Variants in DLGAP2 observed in about 807,000 individuals in gnomAD.
DLGAP2 encodes the protein DLG associated protein 2.
DLGAP2 carries 26 observed loss-of-function variants against 100.3 expected under a neutral mutation model. The ratio of observed to expected loss-of-function variants is 0.26; its 90% CI spans 0.19 to 0.36. The LOEUF is 0.36. Ranked by LOEUF, DLGAP2 falls within the 10% of genes least tolerant of loss-of-function variation. DLGAP2 has a pLI of 1.00. For synonymous variants in DLGAP2, 886 were observed against 630.1 expected, an observed-to-expected ratio of 1.41 and a Z score of -6.08; for missense variants, 1,858 against 1,453.2, an observed-to-expected ratio of 1.28 and a Z score of -4.53.
chr8:1,366,905 C>G (rs759083855), intron 3 of DLGAP2, among the ~76,000 whole-genome samples: 1 of 152,270 alleles, frequency 6.6e-6, no homozygotes, highest in East Asian at 1.9e-4. Context: ...AACACACATG[C>G]ATGTGACCAC....
chr8:1,359,542 C>T (rs1295676885), intron 3 of DLGAP2, among the ~76,000 whole-genome samples: 2 of 152,250 alleles, frequency 1.3e-5, no homozygotes, highest in Admixed American at 6.5e-5. Flanking sequence ...CACCCGAAGG[C>T]CTGGAGGGAT....
chr8:1,589,639 G>A (rs1020295126), intron 6 of DLGAP2, among the ~76,000 whole-genome samples: 4 of 152,130 alleles, frequency 2.6e-5, no homozygotes, highest in African/African-American at 9.7e-5. Context: ...GTAGAGATGG[G>A]GTTTCATCAC....
intron 2 of DLGAP2, among the ~76,000 whole-genome samples, chr8:1,156,569 G>A (rs908285107): frequency 2.0e-5 from 3 of 147,978 alleles, no homozygotes; most frequent in South Asian, 2.1e-4. Context: ...CTAGCTCAGC[G>A]CCCCTGCTCA....
intron 3 of DLGAP2, chr8:1,302,757 C>G (rs75495488): frequency 6.6e-6 from 1 of 152,292 alleles, no homozygotes; most frequent in Non-Finnish European, 1.5e-5. Context: ...GGGCTCTTGC[C>G]CCGCCTGGGG....
intron 3 of DLGAP2, among the ~76,000 whole-genome samples, chr8:1,474,910 T>C (rs1381095511): frequency 1.3e-5 from 2 of 152,180 alleles, no homozygotes; most frequent in Non-Finnish European, 2.9e-5. Flanking sequence ...TAAATCATTC[T>C]TCCAAAGGGC....
intron 2 of DLGAP2, among the ~76,000 whole-genome samples, chr8:938,196 T>C (rs576316063): frequency 6.6e-6 from 1 of 152,148 alleles, no homozygotes; most frequent in East Asian, 2.0e-4. Flanking sequence ...TGTTTTCCCT[T>C]TAAATTGAGA....
chr8:1,206,422 C>A (rs111454990), intron 2 of DLGAP2, among the ~76,000 whole-genome samples: 2 of 46,380 alleles, frequency 4.3e-5, no homozygotes, highest in African/African-American at 2.2e-4. Flanking sequence ...AGACTGTGAG[C>A]GGTTAATCTC....
intron 1 of DLGAP2, among the ~76,000 whole-genome samples, chr8:884,230 T>A (rs1378609028): frequency 1.3e-5 from 2 of 152,354 alleles, no homozygotes; most frequent in African/African-American, 4.8e-5. Context: ...TCTTCCACAA[T>A]GTTTGAACTA....
chr8:1,309,508 TC>T (rs1443175068), intron 3 of DLGAP2, among the ~76,000 whole-genome samples: 1 of 152,208 alleles, frequency 6.6e-6, no homozygotes, highest in Non-Finnish European at 1.5e-5. Context: ...AGTAAAACTA[TC>T]CTTCACAATG....
chr8:1,690,220 G>T (rs1340064644), intron 12 of DLGAP2, among the ~76,000 whole-genome samples: 1 of 151,932 alleles, frequency 6.6e-6, no homozygotes, highest in African/African-American at 2.4e-5. Context: ...GCCAGGCATG[G>T]TGGCATGCAC....
intron 2 of DLGAP2, among the ~76,000 whole-genome samples, chr8:1,067,809 C>G (rs1347784929): frequency 6.6e-6 from 1 of 152,056 alleles, no homozygotes; most frequent in East Asian, 1.9e-4. Flanking sequence ...ACACGTCATC[C>G]TCACCCGGAG....
At chr8:1,097,244 C>T (rs1162137909) in intron 2 of DLGAP2, among the ~76,000 whole-genome samples, 19 of 125,404 alleles carry the variant, frequency 1.5e-4, no homozygotes, top group East Asian at 5.3e-4. Context: ...TGGAGAGGTC[C>T]CCTCCAGCGT....
At chr8:944,679 G>C (rs1430880295) in intron 2 of DLGAP2, among the ~76,000 whole-genome samples, 1 of 151,994 alleles carries the variant, frequency 6.6e-6, no homozygotes, top group Non-Finnish European at 1.5e-5. Context: ...GATCCCTGCG[G>C]GTGATCCAGT....
At chr8:786,628 G>A (rs867990528) in intron 1 of DLGAP2, among the ~76,000 whole-genome samples, 1 of 152,168 alleles carries the variant, frequency 6.6e-6, no homozygotes, top group South Asian at 2.1e-4. Context: ...CGGGAGAGAC[G>A]GGCGCTGCCT....
intron 2 of DLGAP2, among the ~76,000 whole-genome samples, chr8:941,387 A>G (rs1799191909): frequency 2.0e-5 from 3 of 152,062 alleles, no homozygotes; most frequent in Admixed American, 6.5e-5. Context: ...AGGCTCCCCC[A>G]TGCCCTTTTG....
chr8:1,058,951 A>G (rs750086309), intron 2 of DLGAP2, among the ~76,000 whole-genome samples: 4 of 152,164 alleles, frequency 2.6e-5, no homozygotes, highest in Non-Finnish European at 5.9e-5. Context: ...GTGGAATGCA[A>G]TTCAGCAAAC....
At chr8:1,538,253 C>T (rs772510879) in intron 4 of DLGAP2, among the ~76,000 whole-genome samples, 5 of 152,188 alleles carry the variant, frequency 3.3e-5, no homozygotes, top group South Asian at 2.1e-4. Flanking sequence ...CCCAAATACA[C>T]TTAACTAATT....
intron 3 of DLGAP2, among the ~76,000 whole-genome samples, chr8:1,347,438 C>T (rs1307975733): frequency 6.6e-6 from 1 of 151,790 alleles, no homozygotes; most frequent in South Asian, 2.1e-4. Context: ...CTCATGGCAA[C>T]TATGTGGAAG....
chr8:1,679,421 A>C (rs1343373012), intron 12 of DLGAP2, among the ~76,000 whole-genome samples: 2 of 134,544 alleles, frequency 1.5e-5, no homozygotes, highest in East Asian at 4.7e-4. Flanking sequence ...TGGAATGGGA[A>C]GGCCGTGTCA....
Sources: gnomAD v4.1 joint callset for allele counts (sites outside exome capture counted in the v4.1 genomes callset) on GRCh38, gnomAD v4.1.1 for gene constraint, MANE v1.5 for transcripts, NCBI Gene and HGNC (gene_info 2026-07-23, HGNC 2026-07-21) for gene names.